TNIP1: variants seen among roughly 807,000 people sequenced by gnomAD.
TNIP1 encodes the protein TNFAIP3-interacting protein 1.
A neutral mutation model predicts 86.6 loss-of-function variants in TNIP1; 22 were observed. The ratio of observed to expected loss-of-function variants is 0.25; its 90% CI spans 0.18 to 0.36. The LOEUF (loss-of-function observed/expected upper bound fraction) is 0.36. Among genes scored for constraint, TNIP1 ranks in the 10% least tolerant of loss-of-function variants. The pLI, the probability that TNIP1 is intolerant of heterozygous loss-of-function variation, is 1.00. For missense variants in TNIP1, 709 were observed against 820.6 expected (o/e 0.86, Z 1.66); for synonymous variants, 294 against 313.0 (o/e 0.94, Z 0.64).
Position 151,045,844 on chromosome 5 carries a change from C to T in TNIP1, c.936+17G>A. ...GGTAAGAGGGATCCTCCCACTACTG[C>T]CACCTCGGCCACCTACCTCACTGCG... is the stretch of plus-strand genomic sequence containing the variant. On this transcript the variant is annotated intron_variant, in intron 9 of 17. Transcript: ENST00000521591. 2 of 1,613,124 alleles carry T rather than the reference C, an allele frequency of 1.2e-6. No homozygotes were observed. Among genetic ancestry groups the T allele is most frequent in the Non-Finnish European group, 1.7e-6 (2 of 1,179,700 alleles).
intron 5 of TNIP1, among the ~76,000 whole-genome samples, chr5:151,059,191 A>G (rs1255362420): frequency 6.6e-6 from 1 of 152,262 alleles, no homozygotes; most frequent in African/African-American, 2.4e-5. Context: ...TGAGGAACTT[A>G]CTACGTCAGT....
rs748933177 is a variant in TNIP1 at position 151,063,758 on chromosome 5, TG to T, written c.137-12del. 3 of 1,610,192 alleles carry T rather than the reference TG, an allele frequency of 1.9e-6. No homozygotes were observed. Among genetic ancestry groups the T allele is most frequent in the Non-Finnish European group, 2.5e-6 (3 of 1,177,088 alleles). Reference sequence around the variant, plus strand: ...CTTCCAAAAGCTCCCCTAGAGTTATTGGGGAAGAGGAAGCAAAAGCATTTAC... The same window carrying T: ...CTTCCAAAAGCTCCCCTAGAGTTATTGGGAAGAGGAAGCAAAAGCATTTAC... On this transcript the variant is annotated splice_polypyrimidine_tract_variant and intron_variant, in intron 2 of 17. Transcript: ENST00000521591.
chr5:151,059,816 AGAGAGAGAGAGAGTGTGTGTGTGT>A (rs1761202635), intron 5 of TNIP1, among the ~76,000 whole-genome samples: 2 of 108,126 alleles, frequency 1.8e-5, no homozygotes, highest in Non-Finnish European at 3.5e-5. Context: ...AGAGAGAGAG[AGAGAGAGAGAGAGTGTGTGTGTGT>A]GTGTGTGTGT....
chr5:151,060,254 G>T, intron 5 of TNIP1, 64 bp downstream of exon 5: 2 of 1,542,672 alleles, frequency 1.3e-6, no homozygotes, highest in Non-Finnish European at 1.8e-6. Context: ...CTCTCACATG[G>T]TAGCAAGTGA....
intron 7 of TNIP1, among the ~76,000 whole-genome samples, chr5:151,050,718 C>T (rs921850069): frequency 1.8e-4 from 28 of 152,078 alleles, no homozygotes; most frequent in Non-Finnish European, 1.5e-4. Context: ...ACCACAGCCT[C>T]GACTGCTCCT....
Position 151,056,472 on chromosome 5 carries a change from C to T in TNIP1, c.627+294G>A, listed in dbSNP as rs1348613699. On this transcript the variant is annotated intron_variant, in intron 6 of 17. Coordinates refer to ENST00000521591, the MANE Select transcript of TNIP1 (RefSeq NM_006058.5). ...AAAGGAGTTGACCTTTGTTCCCTCC[C>T]TTCCCATCCCCCAACCCTGCACATG... is the stretch of plus-strand genomic sequence containing the variant. Among the ~76,000 whole-genome samples the T allele has an allele frequency of 2.6e-5, 4 of 152,228 alleles. No homozygotes were observed. In the East Asian group the frequency reaches 7.7e-4, roughly 29 times the overall value.
Position 151,035,029 on chromosome 5 carries a change from G to T in TNIP1, c.1560C>A (p.Ala520=). 6.2e-7 allele frequency: 1 copy of T among 1,614,124 alleles called. No homozygotes were observed. Residue 520 remains alanine (A), a synonymous_variant, in exon 15 of 18, where the codon GCC becomes GCA. Transcript: ENST00000521591. The part of the protein sequence containing the change: ...AFKDEEKARE[A]LRQQKRKAKA... Reference sequence around the variant, plus strand: ...TTGCTTTCCTCTTCTGCTGTCTGAGGGCTTCTCTTGCCTTCTCCTCATCTT... The same window carrying T: ...TTGCTTTCCTCTTCTGCTGTCTGAGTGCTTCTCTTGCCTTCTCCTCATCTT...
At chr5:151,039,364 C>G in intron 11 of TNIP1, 139 bp from the exon 12 acceptor site, 1 of 897,182 alleles carries the variant, frequency 1.1e-6, no homozygotes, top group Admixed American at 3.1e-5. Flanking sequence ...CACCTGGGGT[C>G]GGTACAGTAA....
chr5:151,042,474 G>C (rs1027745654), intron 11 of TNIP1, 66 bp downstream of exon 11: 47 of 1,567,750 alleles, frequency 3.0e-5, no homozygotes, highest in Non-Finnish European at 4.0e-5. Context: ...TGGCTTGTTT[G>C]CTCCACAGAA....
At chr5:151,074,475 C>G (rs1763157678) in intron 1 of TNIP1, among the ~76,000 whole-genome samples, 1 of 152,152 alleles carries the variant, frequency 6.6e-6, no homozygotes, top group South Asian at 2.1e-4. Context: ...TCGAATGACC[C>G]TGGGTAGGCC....
chr5:151,063,768 G>A (rs762713420), intron 2 of TNIP1, 21 bp from the exon 3 acceptor site: 11 of 1,608,758 alleles, frequency 6.8e-6, no homozygotes, highest in African/African-American at 1.3e-5. Flanking sequence ...TGGGGAAGAG[G>A]AAGCAAAAGC....
At chr5:151,075,518 G>A (rs1255960303) in intron 1 of TNIP1, among the ~76,000 whole-genome samples, 1 of 152,128 alleles carries the variant, frequency 6.6e-6, no homozygotes. Flanking sequence ...AGTCCCCAGT[G>A]TCTACTGTTG....
At position 151,042,569 on chromosome 5, in the gene TNIP1, G is replaced by A. The variant is rs372035675; in HGVS notation, c.1105C>T (p.Leu369=). 1 of 1,613,544 alleles carries A rather than the reference G, an allele frequency of 6.2e-7. No homozygotes were observed. The highest frequency in any genetic ancestry group is 8.5e-7 in the Non-Finnish European group (1 of 1,180,020). ...TCCATTTCAATCTTGGACTTGGCCA[G>A]GAGGAGCTTGCGGTCAAAGTCACGC... The part of the protein sequence containing the change: ...KQRDFDRKLL[L]AKSKIEMEET... The change falls in exon 11 of 18, where the codon CTG becomes TTG. Residue 369 remains leucine (L), a synonymous_variant. Coordinates refer to ENST00000521591, the MANE Select transcript of TNIP1 (RefSeq NM_006058.5).
intron 5 of TNIP1, among the ~76,000 whole-genome samples, chr5:151,057,748 T>A (rs543941109): frequency 9.2e-5 from 14 of 152,228 alleles, no homozygotes; most frequent in Admixed American, 9.2e-4. Flanking sequence ...GTATTGAACA[T>A]GTACAGAATT....
intron 1 of TNIP1, among the ~76,000 whole-genome samples, chr5:151,068,520 C>T (rs558297373): frequency 6.6e-6 from 1 of 152,262 alleles, no homozygotes; most frequent in African/African-American, 2.4e-5. Context: ...CCACAAACCA[C>T]GAGGATGTTT....
Position 151,052,432 on chromosome 5 carries a change from T to A in TNIP1, c.628-173A>T, listed in dbSNP as rs142155044. Among the ~76,000 whole-genome samples the A allele has an allele frequency of 5.0e-3, 755 of 152,310 alleles. 6 individuals carry two copies. Among genetic ancestry groups the A allele is most frequent in the African/African-American group, 0.017 (709 of 41,570 alleles). On this transcript the variant is annotated intron_variant, in intron 6 of 17. Coordinates refer to ENST00000521591, the MANE Select transcript of TNIP1 (RefSeq NM_006058.5). The stretch of plus-strand genomic sequence containing the variant: ...GAGCTAAGCCACTTGGCCACCCACG[T>A]GTCCTCTCCCTTGGGAGCCAACTAC...
At chr5:151,060,173 C>T (rs1761362145) in intron 5 of TNIP1, 145 bp downstream of exon 5, 1 of 773,398 alleles carries the variant, frequency 1.3e-6, no homozygotes, top group Admixed American at 2.4e-5. Context: ...CGAGAAGCAC[C>T]CTTTGCTCCT....
At chr5:151,042,251 T>C (rs1390177293) in intron 11 of TNIP1, among the ~76,000 whole-genome samples, 1 of 152,100 alleles carries the variant, frequency 6.6e-6, no homozygotes, top group African/African-American at 2.4e-5. Context: ...TTAGATCTTT[T>C]ATATGGTGTG....
intron 1 of TNIP1, among the ~76,000 whole-genome samples, chr5:151,070,422 T>C (rs191870008): frequency 6.6e-6 from 1 of 152,330 alleles, no homozygotes; most frequent in Non-Finnish European, 1.5e-5. Context: ...TCTCCTTTAA[T>C]GGGATTTTAG....
Sources: allele counts gnomAD v4.1 joint callset (sites outside exome capture counted in the v4.1 genomes callset), GRCh38; gene constraint gnomAD v4.1.1; transcripts MANE v1.5; gene names NCBI Gene and HGNC (gene_info 2026-07-23, HGNC 2026-07-21).